SMOC2: variants seen among roughly 807,000 people sequenced by gnomAD.
The protein encoded by SMOC2 is SPARC related modular calcium binding 2.
SMOC2 carries 39 observed loss-of-function variants against 61.4 expected under a neutral mutation model. That is an observed-to-expected ratio of 0.64 (90% confidence interval 0.49 to 0.83). The LOEUF is 0.83. Among genes scored for constraint, SMOC2 ranks in the 40% least tolerant of loss-of-function variants. SMOC2 has a pLI of 0.00. For synonymous variants in SMOC2, 247 were observed against 239.9 expected (o/e 1.03, Z -0.27); for missense variants, 556 against 592.9 (o/e 0.94, Z 0.65).
chr6:168,647,989 G>C (rs377743182), intron 9 of SMOC2, among the ~76,000 whole-genome samples: 1 of 151,966 alleles, frequency 6.6e-6, no homozygotes, highest in African/African-American at 2.4e-5. Flanking sequence ...GTCATGTTTC[G>C]TGATGAACAT....
At chr6:168,648,977 G>A (rs1314572494) in intron 9 of SMOC2, among the ~76,000 whole-genome samples, 5 of 152,088 alleles carry the variant, frequency 3.3e-5, no homozygotes, top group African/African-American at 9.7e-5. Context: ...TGACCCAGGG[G>A]TGGTCCACGC....
intron 1 of SMOC2, among the ~76,000 whole-genome samples, chr6:168,450,825 T>A (rs142906045): frequency 1.9e-3 from 295 of 152,374 alleles, no homozygotes; most frequent in South Asian, 8.3e-3. Flanking sequence ...TAGTTGGTGA[T>A]CAGATAATAA....
In SMOC2 at chr6:168,544,853, G is replaced by T. The variant is rs779136692; in HGVS notation, c.511+1181G>T. On this transcript the variant is annotated intron_variant, in intron 5 of 12. Transcript: ENST00000356284. This position sits in a 1 kb window ranked among gnomAD's most constrained non-coding sequence, Gnocchi z 4.1. ...AAGCTGGCATGAAAGTAAATGTCAG[G>T]CTTTCTGTCCAGAGGGTGCCTACCA... Among the ~76,000 whole-genome samples, 1 of 152,144 alleles carries T rather than the reference G, an allele frequency of 6.6e-6. No homozygotes were observed. Among genetic ancestry groups the T allele is most frequent in the Non-Finnish European group, 1.5e-5 (1 of 68,032 alleles).
At chr6:168,620,099 G>A (rs1786207063) in intron 9 of SMOC2, among the ~76,000 whole-genome samples, 2 of 152,282 alleles carry the variant, frequency 1.3e-5, no homozygotes, top group South Asian at 4.1e-4. Context: ...ATTTGCCTGT[G>A]GTCTCTCCCC....
chr6:168,451,326 G>C (rs1781455638), intron 1 of SMOC2, among the ~76,000 whole-genome samples: 1 of 152,208 alleles, frequency 6.6e-6, no homozygotes, highest in Non-Finnish European at 1.5e-5. Flanking sequence ...CATGAGCTCT[G>C]AATAGTCATA....
intron 1 of SMOC2, among the ~76,000 whole-genome samples, chr6:168,472,993 A>C (rs1203546742): frequency 1.3e-5 from 2 of 152,076 alleles, no homozygotes; most frequent in Non-Finnish European, 2.9e-5. Flanking sequence ...CGATTCATAC[A>C]AACCCTCTTC....
chr6:168,607,199 G>A (rs573453064), intron 8 of SMOC2, among the ~76,000 whole-genome samples: 13 of 152,202 alleles, frequency 8.5e-5, no homozygotes, highest in African/African-American at 2.4e-4. Flanking sequence ...TGGGGGCTCC[G>A]GGAGGCAGGT....
intron 1 of SMOC2, among the ~76,000 whole-genome samples, chr6:168,501,318 A>G (rs1782722973): frequency 6.6e-6 from 1 of 152,224 alleles, no homozygotes; most frequent in Non-Finnish European, 1.5e-5. Context: ...ATGGATGTGG[A>G]GACAGGGAAG....
At chr6:168,635,590 G>T (rs1462755541) in intron 9 of SMOC2, among the ~76,000 whole-genome samples, 1 of 152,182 alleles carries the variant, frequency 6.6e-6, no homozygotes, top group Non-Finnish European at 1.5e-5. Flanking sequence ...GTTTACTGGG[G>T]CTGGGCATGG....
intron 9 of SMOC2, among the ~76,000 whole-genome samples, chr6:168,639,445 T>C (rs1167682381): frequency 6.6e-6 from 1 of 152,242 alleles, no homozygotes; most frequent in African/African-American, 2.4e-5. Context: ...TTTTGATACC[T>C]GAGTAGGATA....
intron 1 of SMOC2, among the ~76,000 whole-genome samples, chr6:168,499,601 G>A (rs904865314): frequency 2.0e-5 from 3 of 152,214 alleles, no homozygotes; most frequent in African/African-American, 7.2e-5. Flanking sequence ...TTCCAACTGT[G>A]TGTTACCTCC....
chr6:168,479,378 T>C (rs1782158648), intron 1 of SMOC2, among the ~76,000 whole-genome samples: 1 of 152,222 alleles, frequency 6.6e-6, no homozygotes, highest in Non-Finnish European at 1.5e-5. Context: ...TTTTCCAGCA[T>C]AAAGGGAATT....
At chr6:168,554,262 G>A (rs1397828278) in intron 7 of SMOC2, among the ~76,000 whole-genome samples, 2 of 152,240 alleles carry the variant, frequency 1.3e-5, no homozygotes, top group East Asian at 1.9e-4. Context: ...CCCATCATGT[G>A]ATACTTACTC....
At chr6:168,559,475 A>AAAAATAAAAATAAAAT (rs1554240104) in intron 7 of SMOC2, among the ~76,000 whole-genome samples, 3 of 150,128 alleles carry the variant, frequency 2.0e-5, no homozygotes, top group African/African-American at 7.3e-5. Flanking sequence ...AAATAAAAAT[A>AAAAATAAAAATAAAAT]AAAATAAAAT....
At chr6:168,514,856 A>T (rs1359384310) in intron 2 of SMOC2, among the ~76,000 whole-genome samples, 1 of 152,038 alleles carries the variant, frequency 6.6e-6, no homozygotes, top group Non-Finnish European at 1.5e-5. Context: ...CATGTGAGGG[A>T]TTTCTTAGAC....
chr6:168,645,589 G>C (rs1386726410), intron 9 of SMOC2, among the ~76,000 whole-genome samples: 1 of 152,164 alleles, frequency 6.6e-6, no homozygotes, highest in East Asian at 1.9e-4. Context: ...AACCCTGTGG[G>C]CTTTCTCCCA....
chr6:168,559,485 T>A (rs1032015630), intron 7 of SMOC2, among the ~76,000 whole-genome samples: 1 of 150,766 alleles, frequency 6.6e-6, no homozygotes, highest in Non-Finnish European at 1.5e-5. Context: ...AAAAATAAAA[T>A]AAAATAAAAT....
intron 1 of SMOC2, among the ~76,000 whole-genome samples, chr6:168,469,645 C>T (rs1047398293): frequency 8.5e-5 from 13 of 152,216 alleles, no homozygotes. Context: ...TCTCCACCAG[C>T]AGAGCTGCTC....
At chr6:168,559,263 C>T (rs1784334866) in intron 7 of SMOC2, among the ~76,000 whole-genome samples, 1 of 152,016 alleles carries the variant, frequency 6.6e-6, no homozygotes, top group Non-Finnish European at 1.5e-5. Context: ...CGAGACCAGC[C>T]TGGCCAACAT....
Sources: allele counts gnomAD v4.1 joint callset (sites outside exome capture counted in the v4.1 genomes callset), GRCh38; gene constraint gnomAD v4.1.1; non-coding constraint Gnocchi (gnomAD v3.1); transcripts MANE v1.5; gene names NCBI Gene and HGNC (gene_info 2026-07-23, HGNC 2026-07-21).